Variants in GNAL observed in about 807,000 individuals in gnomAD.
GNAL encodes the protein guanine nucleotide-binding protein G(olf) subunit alpha.
A neutral mutation model predicts 55.1 loss-of-function variants in GNAL; 18 were observed. The ratio of observed to expected loss-of-function variants is 0.33; its 90% CI spans 0.23 to 0.48. GNAL has a LOEUF of 0.48. GNAL is among the 20% of genes least tolerant of loss of function. GNAL has a pLI of 0.99. For missense variants in GNAL, 412 were observed against 614.1 expected (o/e 0.67, Z 3.48); for synonymous variants, 253 against 237.0 (o/e 1.07, Z -0.62).
chr18:11,765,140 CA>C (rs1248841473), intron 4 of GNAL, among the ~76,000 whole-genome samples: 1 of 152,200 alleles, frequency 6.6e-6, no homozygotes, highest in Non-Finnish European at 1.5e-5. Flanking sequence ...CCAGCCACAA[CA>C]GCGACCTCTC....
At chr18:11,767,713 G>GCTGTCTGTGCACGCTTA (rs2033456700) in intron 4 of GNAL, among the ~76,000 whole-genome samples, 1 of 152,134 alleles carries the variant, frequency 6.6e-6, no homozygotes, top group Non-Finnish European at 1.5e-5. Flanking sequence ...TTGCACGCTT[G>GCTGTCTGTGCACGCTTA]CTGTCTGTGC....
At chr18:11,847,388 CTTTTA>C (rs1453407501) in intron 5 of GNAL, among the ~76,000 whole-genome samples, 1 of 149,892 alleles carries the variant, frequency 6.7e-6, no homozygotes, top group East Asian at 1.9e-4. Flanking sequence ...TTTTTCACAT[CTTTTA>C]TTTTCTTTTT....
intron 1 of GNAL, among the ~76,000 whole-genome samples, chr18:11,740,497 C>T (rs942496663): frequency 6.6e-6 from 1 of 152,188 alleles, no homozygotes; most frequent in African/African-American, 2.4e-5. Context: ...TACACAGGCT[C>T]ACAAATACAC....
intron 1 of GNAL, among the ~76,000 whole-genome samples, chr18:11,703,536 T>G (rs2031628327): frequency 1.3e-5 from 2 of 152,208 alleles, no homozygotes; most frequent in Non-Finnish European, 2.9e-5. Flanking sequence ...TAACTGGTAC[T>G]TTGTTTTAGA....
chr18:11,770,953 G>T (rs559256043), intron 4 of GNAL, among the ~76,000 whole-genome samples: 40 of 152,148 alleles, frequency 2.6e-4, no homozygotes, highest in African/African-American at 9.4e-4. Flanking sequence ...GGTGGCTCAA[G>T]CCTGTAATCC....
At chr18:11,761,714 A>G (rs111930614) in intron 4 of GNAL, among the ~76,000 whole-genome samples, 4,422 of 152,254 alleles carry the variant, frequency 0.029, 75 homozygotes, top group Middle Eastern at 0.044. Flanking sequence ...CTGCAGCCTC[A>G]TTCTTTTGTG....
chr18:11,878,743 A>C (rs2036589044), intron 11 of GNAL, among the ~76,000 whole-genome samples: 1 of 151,780 alleles, frequency 6.6e-6, no homozygotes, highest in Non-Finnish European at 1.5e-5. Context: ...CTAATTTTTA[A>C]ATTTTATAGA....
chr18:11,725,234 A>ACC, intron 1 of GNAL, among the ~76,000 whole-genome samples: 1 of 152,208 alleles, frequency 6.6e-6, no homozygotes, highest in Non-Finnish European at 1.5e-5. Flanking sequence ...TAATTAGGAT[A>ACC]AAATGAGATT....
intron 4 of GNAL, among the ~76,000 whole-genome samples, chr18:11,812,523 A>G (rs1009037139): frequency 2.6e-5 from 4 of 152,248 alleles, no homozygotes; most frequent in South Asian, 2.1e-4. Flanking sequence ...AATCTGAAAA[A>G]TGAAATTTAT....
chr18:11,807,702 A>G (rs60036326), intron 4 of GNAL, among the ~76,000 whole-genome samples: 9,910 of 152,246 alleles, frequency 0.065, 481 homozygotes, highest in African/African-American at 0.13. Context: ...AGTCACTAGT[A>G]TATTCATGGT....
At chr18:11,755,277 G>A (rs749668772) in intron 4 of GNAL, among the ~76,000 whole-genome samples, 5 of 142,498 alleles carry the variant, frequency 3.5e-5, no homozygotes, top group East Asian at 1.9e-4. Flanking sequence ...TTGTTTCTTC[G>A]TTTGTTTGTT....
At position 11,735,033 on chromosome 18, in the gene GNAL, A is replaced by C. The variant is rs149563870; in HGVS notation, c.377-17820A>C. On this transcript the variant is annotated intron_variant, in intron 1 of 11. Transcript: ENST00000334049. ...CGTGAGGATTGGTGGGCATTTGATA[A>C]GGTTTTGTTTATTGTTTTTGTGGGG... Among the ~76,000 whole-genome samples, 44 of 149,368 alleles carry C rather than the reference A, an allele frequency of 2.9e-4. 1 individual carries two copies. The East Asian group carries it at 8.6e-3, about 29-fold the overall frequency.
chr18:11,786,351 G>C (rs904234983), intron 4 of GNAL, among the ~76,000 whole-genome samples: 14 of 151,534 alleles, frequency 9.2e-5, no homozygotes, highest in Admixed American at 9.2e-4. Flanking sequence ...TCATTTTAGA[G>C]GGTCAGATCT....
Position 11,769,808 on chromosome 18 carries a change from TCCTA to T in GNAL, c.624+15868_624+15871del, listed in dbSNP as rs145505293. Among the ~76,000 whole-genome samples the T allele has an allele frequency of 9.0e-3, 1,370 of 152,324 alleles. 10 individuals carry two copies. The highest frequency in any genetic ancestry group is 0.02 in the Middle Eastern group (6 of 294). On this transcript the variant is annotated intron_variant, in intron 4 of 11. Transcript: ENST00000334049. ...ATGATCCTTACTACAATCTTGCTTA[TCCTA>T]CCTATTTACACACATGTCTAAAATA...
In GNAL at chr18:11,751,727, G is replaced by T; in HGVS notation, c.377-1126G>T. The T allele has an allele frequency of 1.1e-6, 1 of 896,454 alleles. No individual in the cohort carries two copies. Among genetic ancestry groups the T allele is most frequent in the Non-Finnish European group, 1.3e-6 (1 of 748,516 alleles). 55.5% of individuals were successfully genotyped at this position (896,454 alleles called of 1,614,324 possible). A position where few individuals can be genotyped will look rare whatever the true frequency, so the allele number is the denominator to read the frequency against. ...AGCGTGTAAGCGCCCCAGCCGGCCG[G>T]GCTCCGTGGGGGGTCAGCTCCCTGA... is the stretch of plus-strand genomic sequence containing the variant. On this transcript the variant is annotated intron_variant, in intron 1 of 11. Transcript: ENST00000334049. This position sits in a 1 kb window ranked among gnomAD's most constrained non-coding sequence, Gnocchi z 4.5.
In GNAL at chr18:11,792,133, A is replaced by G. The variant is rs558078138; in HGVS notation, c.625-32785A>G. Among the ~76,000 whole-genome samples, 22 of 152,078 alleles carry G rather than the reference A, an allele frequency of 1.4e-4. No homozygotes were observed. The East Asian group carries it at 3.7e-3, about 25-fold the overall frequency. ...AATTGGCACCATAGCTTTGGTCACGAAATTATATCCAGTACTTACTGCCTT... is the reference window on the plus strand; with the variant it reads ...AATTGGCACCATAGCTTTGGTCACGGAATTATATCCAGTACTTACTGCCTT... On this transcript the variant is annotated intron_variant, in intron 4 of 11. Coordinates refer to ENST00000334049, the MANE Select transcript of GNAL (RefSeq NM_182978.4).
intron 5 of GNAL, chr18:11,852,389 G>T (rs904977769): frequency 2.0e-5 from 8 of 397,346 alleles, no homozygotes; most frequent in African/African-American, 1.6e-4. Flanking sequence ...CTTTCTCGAA[G>T]ATCTGGTCAA....
At chr18:11,860,738 G>A (rs543583108) in intron 5 of GNAL, among the ~76,000 whole-genome samples, 121 of 152,286 alleles carry the variant, frequency 7.9e-4, no homozygotes, top group Non-Finnish European at 1.4e-3. Context: ...ATTTTGGTGG[G>A]TTTGTACAGA....
intron 4 of GNAL, among the ~76,000 whole-genome samples, chr18:11,778,345 G>T (rs1289035800): frequency 6.6e-6 from 1 of 152,096 alleles, no homozygotes; most frequent in African/African-American, 2.4e-5. Flanking sequence ...TGTGTGCTAG[G>T]TTAAGTCCCA....
Sources: gnomAD v4.1 joint callset for allele counts (sites outside exome capture counted in the v4.1 genomes callset) on GRCh38, gnomAD v4.1.1 for gene constraint, Gnocchi (gnomAD v3.1) non-coding constraint, MANE v1.5 for transcripts, NCBI Gene and HGNC (gene_info 2026-07-23, HGNC 2026-07-21) for gene names.